The following KCNT1 variants were observed in gnomAD, a reference collection of about 807,000 sequenced individuals.
KCNT1 encodes the protein potassium channel subfamily T member 1.
KCNT1 carries 78 observed loss-of-function variants against 147.8 expected under a neutral mutation model. The ratio of observed to expected loss-of-function variants is 0.53; its 90% CI spans 0.44 to 0.64. The LOEUF (loss-of-function observed/expected upper bound fraction) is 0.64, where lower values mean the gene tolerates loss of function less well. Ranked by LOEUF, KCNT1 falls within the 30% of genes least tolerant of loss-of-function variation. The probability of loss-of-function intolerance (pLI) is 0.00; values close to 1 mark genes in which losing one functional copy is unlikely to be tolerated. For synonymous variants in KCNT1, 867 were observed against 748.8 expected (o/e 1.16, Z -2.58); for missense variants, 1,419 against 1,750.3 (o/e 0.81, Z 3.38).
intron 3 of KCNT1, 124 bp downstream of exon 3, chr9:135,750,301 T>G: frequency 1.5e-6 from 1 of 680,462 alleles, no homozygotes; most frequent in Non-Finnish European, 2.6e-6. Context: ...GGGAGCCACC[T>G]GAGTGCTGCG....
chr9:135,763,374 C>G (rs1451609700), intron 11 of KCNT1, among the ~76,000 whole-genome samples: 1 of 152,246 alleles, frequency 6.6e-6, no homozygotes, highest in Non-Finnish European at 1.5e-5. Context: ...GAGGCCCTCG[C>G]TCACGAGCGT....
intron 13 of KCNT1, among the ~76,000 whole-genome samples, chr9:135,767,294 C>T (rs1244388696): frequency 6.6e-6 from 1 of 152,188 alleles, no homozygotes; most frequent in Non-Finnish European, 1.5e-5. Flanking sequence ...GGGCGTAGGC[C>T]ATTCCCAGCC....
intron 24 of KCNT1, among the ~76,000 whole-genome samples, chr9:135,782,097 G>A (rs978095828): frequency 6.6e-6 from 1 of 152,194 alleles, no homozygotes. Context: ...CCAGCTACTT[G>A]GGAGGCTAGG....
intron 2 of KCNT1, among the ~76,000 whole-genome samples, chr9:135,731,431 G>A (rs1469857574): frequency 1.3e-5 from 2 of 152,208 alleles, no homozygotes; most frequent in South Asian, 2.1e-4. Context: ...ATTCTCTAAC[G>A]CTCTGTAGCC....
At position 135,772,089 on chromosome 9, in the gene KCNT1, T is replaced by C. The variant is rs549535169; in HGVS notation, c.2009-626T>C. Among the ~76,000 whole-genome samples the C allele has an allele frequency of 3.9e-5, 6 of 152,256 alleles. No homozygotes were observed. In the South Asian group the frequency reaches 8.3e-4, roughly 21 times the overall value. On this transcript the variant is annotated intron_variant, in intron 18 of 30. Coordinates refer to ENST00000371757, the MANE Select transcript of KCNT1 (RefSeq NM_020822.3). ...CCGGCCGCCGTCTACGGCAGCTCAC[T>C]CGGGGGGCCGGGCCTGGCCGCAGGG...
Position 135,777,446 on chromosome 9 carries a change from C to G in KCNT1, c.2458C>G (p.Pro820Ala). The G allele has an allele frequency of 6.2e-7, 1 of 1,614,038 alleles. No individual in the cohort carries two copies. The highest frequency in any genetic ancestry group is 8.5e-7 in the Non-Finnish European group (1 of 1,179,940). Residue 820 changes from proline (P) to alanine (A), a missense_variant, in exon 21 of 31, where the codon CCA (proline) becomes GCA (alanine). This residue lies in a region of KCNT1 where 247 missense variants were observed against 397.1 expected (regional missense o/e 0.62). Transcript: ENST00000371757. ...AGNGLYNFIV[P>A]LRAYYRSRKE... ...CAATGGGCTGTACAACTTCATCGTG[C>G]CACTGCGGGCCTACTACAGATCCCG...
At chr9:135,724,637 C>G (rs554089153) in intron 2 of KCNT1, among the ~76,000 whole-genome samples, 5 of 152,370 alleles carry the variant, frequency 3.3e-5, no homozygotes, top group South Asian at 2.1e-4. Context: ...AACAGTGAAT[C>G]ATTTCCCAGT....
intron 15 of KCNT1, 78 bp downstream of exon 15, chr9:135,769,015 G>C: frequency 8.8e-7 from 1 of 1,141,980 alleles, no homozygotes. Context: ...GTGCATCTGG[G>C]GCAGGGCGCA....
At chr9:135,731,808 C>T (rs1243365335) in intron 2 of KCNT1, among the ~76,000 whole-genome samples, 1 of 151,640 alleles carries the variant, frequency 6.6e-6, no homozygotes, top group Non-Finnish European at 1.5e-5. Context: ...CTGTCTTGTG[C>T]ACCTGCAGAA....
intron 19 of KCNT1, among the ~76,000 whole-genome samples, chr9:135,774,360 TTG>T (rs966997211): frequency 1.4e-5 from 2 of 144,470 alleles, no homozygotes; most frequent in South Asian, 2.3e-4. Flanking sequence ...GTGGTGCGTG[TTG>T]TGTCTGTGTG....
chr9:135,779,560 G>A, intron 24 of KCNT1, 90 bp downstream of exon 24: 2 of 987,422 alleles, frequency 2.0e-6, no homozygotes, highest in South Asian at 2.7e-5. Context: ...CCAGTGCCAT[G>A]GGAGGCTGGG....
At chr9:135,787,504 C>T (rs1834155792) in intron 29 of KCNT1, among the ~76,000 whole-genome samples, 1 of 152,226 alleles carries the variant, frequency 6.6e-6, no homozygotes, top group Non-Finnish European at 1.5e-5. Context: ...GCCCCGTCTC[C>T]CAACCCTGCT....
chr9:135,754,496 C>G (rs983391158), intron 5 of KCNT1, among the ~76,000 whole-genome samples: 1 of 152,150 alleles, frequency 6.6e-6, no homozygotes, highest in Non-Finnish European at 1.5e-5. Flanking sequence ...GAGGTGACTG[C>G]GGGGCAACTG....
chr9:135,780,396 C>T (rs2131556348), intron 24 of KCNT1, among the ~76,000 whole-genome samples: 1 of 152,290 alleles, frequency 6.6e-6, no homozygotes, highest in Non-Finnish European at 1.5e-5. Context: ...CCACCAACAC[C>T]AGGCAGAGGA....
chr9:135,726,565 G>A (rs940006665), intron 2 of KCNT1, among the ~76,000 whole-genome samples: 11 of 152,014 alleles, frequency 7.2e-5, no homozygotes, highest in African/African-American at 1.5e-4. Flanking sequence ...GTTCTGCTAC[G>A]GACGGGGCCC....
At chr9:135,738,598 C>G (rs1228660688) in intron 2 of KCNT1, among the ~76,000 whole-genome samples, 1 of 152,198 alleles carries the variant, frequency 6.6e-6, no homozygotes, top group African/African-American at 2.4e-5. Context: ...CCCTCTCAGA[C>G]TCTGCCCGTC....
Position 135,752,780 on chromosome 9 carries a change from T to TG in KCNT1, c.435-1156dup. Reference sequence around the variant, plus strand: ...ATGGAGGGATGAGTGGATGGGTGGATGATGGATGGATGGATGGATGGATGA... The same window carrying TG: ...ATGGAGGGATGAGTGGATGGGTGGATGGATGGATGGATGGATGGATGGATGA... On this transcript the variant is annotated intron_variant, in intron 4 of 30. Coordinates refer to ENST00000371757, the MANE Select transcript of KCNT1 (RefSeq NM_020822.3). The surrounding 1 kb of genome is among the most constrained non-coding windows in gnomAD (Gnocchi z 5.1). Among the ~76,000 whole-genome samples the TG allele has an allele frequency of 7.2e-6, 1 of 138,002 alleles. No homozygotes were observed. Among genetic ancestry groups the TG allele is most frequent in the African/African-American group, 2.8e-5 (1 of 36,096 alleles). The allele number at this position is 138,002 out of a possible 152,430, so 90.5% of individuals were successfully genotyped here. A position where few individuals can be genotyped will look rare whatever the true frequency, so the allele number is the denominator to read the frequency against.
At chr9:135,706,694 C>T (rs73667692) in intron 1 of KCNT1, among the ~76,000 whole-genome samples, 2,855 of 152,342 alleles carry the variant, frequency 0.019, 103 homozygotes, top group East Asian at 0.14. Context: ...GCTTCACAGG[C>T]ACCAATAGTG....
At chr9:135,728,786 G>A (rs568902718) in intron 2 of KCNT1, among the ~76,000 whole-genome samples, 43 of 152,312 alleles carry the variant, frequency 2.8e-4, no homozygotes, top group African/African-American at 8.7e-4. Flanking sequence ...GTGTTTTGCC[G>A]GGTCTGGTTA....
Sources: gnomAD v4.1 joint callset for allele counts (sites outside exome capture counted in the v4.1 genomes callset) on GRCh38, gnomAD v4.1.1 for gene constraint, gnomAD v4.1.1 regional missense constraint, Gnocchi (gnomAD v3.1) non-coding constraint, MANE v1.5 for transcripts, NCBI Gene and HGNC (gene_info 2026-07-23, HGNC 2026-07-21) for gene names.